Variants in SMC6 observed in about 807,000 individuals in gnomAD.
SMC6 encodes structural maintenance of chromosomes protein 6.
In SMC6, 79 loss-of-function variants were observed where a neutral mutation model predicts 142.2. The ratio of observed to expected loss-of-function variants is 0.56; its 90% CI spans 0.46 to 0.67. The LOEUF is 0.67. Ranked by LOEUF, SMC6 falls within the 30% of genes least tolerant of loss-of-function variation. The pLI is 0.00. For synonymous variants in SMC6, 411 were observed against 412.4 expected (o/e 1.00, Z 0.04); for missense variants, 1,072 against 1,284.0 (o/e 0.83, Z 2.52).
intron 21 of SMC6, among the ~76,000 whole-genome samples, chr2:17,697,551 G>C (rs1169767249): frequency 1.3e-5 from 2 of 151,922 alleles, no homozygotes; most frequent in Non-Finnish European, 2.9e-5. Flanking sequence ...GATTTAAAAA[G>C]ACATTTCCCC....
chr2:17,689,198 C>T (rs1235515188), intron 23 of SMC6, among the ~76,000 whole-genome samples: 1 of 151,968 alleles, frequency 6.6e-6, no homozygotes, highest in Non-Finnish European at 1.5e-5. Flanking sequence ...ACCCAGAAAA[C>T]GATACATCAT....
At chr2:17,673,245 GTC>G (rs1235871016) in intron 25 of SMC6, among the ~76,000 whole-genome samples, 2 of 152,288 alleles carry the variant, frequency 1.3e-5, no homozygotes, top group East Asian at 3.9e-4. Flanking sequence ...TGTGATGTCA[GTC>G]TCTTTCTTAC....
intron 4 of SMC6, among the ~76,000 whole-genome samples, 198 bp from the exon 5 acceptor site, chr2:17,738,524 T>C (rs1406365051): frequency 6.6e-6 from 1 of 152,198 alleles, no homozygotes; most frequent in Non-Finnish European, 1.5e-5. Context: ...TGAACTGCCA[T>C]TATTAGCAAA....
intron 27 of SMC6, 87 bp from the exon 28 acceptor site, chr2:17,665,700 A>C (rs1204485268): frequency 1.4e-6 from 1 of 695,102 alleles, no homozygotes; most frequent in Non-Finnish European, 2.3e-6. Flanking sequence ...TGAAAATATA[A>C]AGCTAAATAT....
Position 17,731,747 on chromosome 2 carries a change from C to T in SMC6, c.475G>A (p.Ala159Thr). The T allele has an allele frequency of 6.2e-7, 1 of 1,610,748 alleles. No homozygotes were observed. Among genetic ancestry groups the T allele is most frequent in the Non-Finnish European group, 8.5e-7 (1 of 1,178,820 alleles). ...DGSRSYKLKS[A>T]TGSVVSTRKE... ...AAAGAGAATCAAAACAAACCTGTTG[C>T]ACTTTTAAGTTTATAAGATCGACTT... is the stretch of plus-strand genomic sequence containing the variant. Residue 159 changes from alanine to threonine, a missense_variant, in exon 6 of 28, where the codon GCA (alanine) becomes ACA (threonine). Physicochemically the swap from Ala to Thr is moderately conservative, Grantham distance 58 (BLOSUM62 0). Transcript: ENST00000448223.
intron 16 of SMC6, among the ~76,000 whole-genome samples, chr2:17,709,582 C>T (rs2124971354): frequency 1.3e-5 from 2 of 152,284 alleles, no homozygotes; most frequent in Middle Eastern, 6.8e-3. Flanking sequence ...TATACCTATT[C>T]ATCCATTAAT....
At chr2:17,730,600 ATTCTTT>A (rs1470374386) in intron 7 of SMC6, among the ~76,000 whole-genome samples, 4 of 142,808 alleles carry the variant, frequency 2.8e-5, no homozygotes, top group African/African-American at 1.1e-4. Flanking sequence ...GAATTAATAA[ATTCTTT>A]TTTTTTTTTT....
intron 23 of SMC6, among the ~76,000 whole-genome samples, chr2:17,690,233 T>G (rs1667641088): frequency 1.3e-5 from 2 of 152,282 alleles, no homozygotes; most frequent in South Asian, 4.1e-4. Context: ...ATTCACTGAA[T>G]AAATTAACAA....
intron 21 of SMC6, among the ~76,000 whole-genome samples, chr2:17,699,293 G>T (rs760926103): frequency 6.6e-6 from 1 of 151,954 alleles, no homozygotes; most frequent in African/African-American, 2.4e-5. Flanking sequence ...CTTCCATCTG[G>T]TCTCCATGGT....
intron 24 of SMC6, chr2:17,682,007 CA>C (rs1358727735): frequency 6.6e-6 from 1 of 152,046 alleles, no homozygotes. Context: ...CTTTTAAATA[CA>C]AATTTCTGAG....
At chr2:17,717,470 G>A (rs1669152052) in intron 12 of SMC6, among the ~76,000 whole-genome samples, 1 of 151,492 alleles carries the variant, frequency 6.6e-6, no homozygotes, top group Non-Finnish European at 1.5e-5. Flanking sequence ...AGGAGATCTA[G>A]ACCACCCTGG....
intron 26 of SMC6, among the ~76,000 whole-genome samples, chr2:17,666,719 A>C (rs1270427347): frequency 1.3e-5 from 2 of 152,070 alleles, no homozygotes; most frequent in Non-Finnish European, 1.5e-5. Context: ...GCAGTGGCTC[A>C]TGTTTGTAAT....
chr2:17,670,181 C>G (rs952248084), intron 26 of SMC6, among the ~76,000 whole-genome samples: 1 of 152,034 alleles, frequency 6.6e-6, no homozygotes. Context: ...ATGGAAGGCA[C>G]GGATATCCAT....
chr2:17,714,838 A>G (rs1383632233), intron 16 of SMC6, 23 bp downstream of exon 16: 1 of 1,606,104 alleles, frequency 6.2e-7, no homozygotes, highest in African/African-American at 1.3e-5. Flanking sequence ...AGCCAGAAAC[A>G]TATTCAATTA....
intron 3 of SMC6, among the ~76,000 whole-genome samples, chr2:17,742,795 A>ACC (rs1345768415): frequency 6.6e-6 from 1 of 152,178 alleles, no homozygotes; most frequent in Non-Finnish European, 1.5e-5. Flanking sequence ...GATCCTGTGT[A>ACC]CCCTTTACTC....
intron 21 of SMC6, among the ~76,000 whole-genome samples, chr2:17,697,825 T>C (rs1189221566): frequency 6.6e-6 from 1 of 152,108 alleles, no homozygotes; most frequent in Non-Finnish European, 1.5e-5. Flanking sequence ...AGCTTAGTAA[T>C]TCCATTCCTA....
At chr2:17,731,712 T>C (rs1386744745) in intron 6 of SMC6, 29 bp downstream of exon 6, 4 of 1,594,974 alleles carry the variant, frequency 2.5e-6, no homozygotes, top group Non-Finnish European at 3.4e-6. Flanking sequence ...TAATATTTTA[T>C]AAGAAATGAA....
At chr2:17,749,636 C>G (rs1047009631) in intron 2 of SMC6, among the ~76,000 whole-genome samples, 1 of 151,892 alleles carries the variant, frequency 6.6e-6, no homozygotes, top group Non-Finnish European at 1.5e-5. Flanking sequence ...TGCAGTGAGC[C>G]GAGACTGTGC....
At chr2:17,731,013 G>T in intron 7 of SMC6, 65 bp downstream of exon 7, 1 of 1,287,832 alleles carries the variant, frequency 7.8e-7, no homozygotes, top group Non-Finnish European at 1.1e-6. Context: ...TTCTACACAA[G>T]TGAAATCGCA....
Sources: gnomAD v4.1 joint callset for allele counts (sites outside exome capture counted in the v4.1 genomes callset) on GRCh38, gnomAD v4.1.1 for gene constraint, MANE v1.5 for transcripts, NCBI Gene and HGNC (gene_info 2026-07-23, HGNC 2026-07-21) for gene names.